Variants in AGPAT3 observed in about 807,000 individuals in gnomAD.
AGPAT3 encodes the protein 1-acyl-sn-glycerol-3-phosphate acyltransferase gamma.
AGPAT3 carries 5 observed loss-of-function variants against 47.3 expected under a neutral mutation model. The ratio of observed to expected loss-of-function variants is 0.11; its 90% CI spans 0.06 to 0.22. AGPAT3 has a LOEUF of 0.22. Among genes scored for constraint, AGPAT3 ranks in the 10% least tolerant of loss-of-function variants. The probability of loss-of-function intolerance (pLI) is 1.00; values close to 1 mark genes in which losing one functional copy is unlikely to be tolerated. For synonymous variants in AGPAT3, 212 were observed against 208.3 expected, an observed-to-expected ratio of 1.02 and a Z score of -0.15; for missense variants, 315 against 493.0, an observed-to-expected ratio of 0.64 and a Z score of 3.42.
At position 43,982,273 on chromosome 21, in the gene AGPAT3, C is replaced by T. The variant is rs368185480; in HGVS notation, c.1043-31C>T. ...AGCAAAAAGGCAAAGTCATCCGTCT[C>T]ACCTCTTCTCTCTCTCTCCTGTCTT... On this transcript the variant is annotated intron_variant, in intron 9 of 9. Transcript: ENST00000291572. The surrounding 1 kb of genome is among the most constrained non-coding windows in gnomAD (Gnocchi z 6.2). 3 of 1,561,906 alleles carry T rather than the reference C, an allele frequency of 1.9e-6. No homozygotes were observed. The highest frequency in any genetic ancestry group is 2.3e-5 in the South Asian group (2 of 88,670).
chr21:43,895,389 G>A (rs920834566), intron 1 of AGPAT3, among the ~76,000 whole-genome samples: 2 of 151,952 alleles, frequency 1.3e-5, no homozygotes, highest in African/African-American at 4.8e-5. Flanking sequence ...GATTACAGGT[G>A]TGAGCTACTG....
At chr21:43,968,988 C>T (rs2089275383) in intron 4 of AGPAT3, 130 bp from the exon 5 acceptor site, 3 of 933,902 alleles carry the variant, frequency 3.2e-6, no homozygotes, top group Non-Finnish European at 4.7e-6. Context: ...CACAGCAGAC[C>T]CCCTGAGCCA....
intron 1 of AGPAT3, among the ~76,000 whole-genome samples, chr21:43,894,353 T>G (rs1194617371): frequency 3.3e-5 from 5 of 152,094 alleles, no homozygotes; most frequent in Non-Finnish European, 7.4e-5. Context: ...GTTTGACTTT[T>G]GTTTCAGTTT....
rs1346155781 is a variant in AGPAT3, at chr21:43,959,609, GCTGTCC to G, written c.-48-13_-48-8del. ...AGGGTGTGGGCGTGGCCACCCTGAC[GCTGTCC>G]CTGTCCCTGTCTTTGCAGGACGGCT... On this transcript the variant is annotated intron_variant, in intron 2 of 9. Transcript: ENST00000291572. The G allele has an allele frequency of 6.3e-7, 1 of 1,597,724 alleles. No individual in the cohort carries two copies. The highest frequency in any genetic ancestry group is 2.2e-5 in the East Asian group (1 of 44,798).
chr21:43,971,930 C>T (rs896491295), intron 7 of AGPAT3, among the ~76,000 whole-genome samples: 3 of 152,142 alleles, frequency 2.0e-5, no homozygotes, highest in Non-Finnish European at 4.4e-5. Flanking sequence ...CACAGTCACA[C>T]GACCTGGGGG....
chr21:43,961,303 T>C (rs1391014450), intron 3 of AGPAT3, among the ~76,000 whole-genome samples: 2 of 152,180 alleles, frequency 1.3e-5, no homozygotes, highest in Admixed American at 1.3e-4. Flanking sequence ...CTTCGTCTCA[T>C]ATGGGAAACG....
At chr21:43,884,648 C>T (rs1216229247) in intron 1 of AGPAT3, among the ~76,000 whole-genome samples, 1 of 150,930 alleles carries the variant, frequency 6.6e-6, no homozygotes, top group Non-Finnish European at 1.5e-5. Flanking sequence ...TGCCCAGGCA[C>T]TGGATGCTGG....
At chr21:43,871,606 T>C (rs2085625992) in intron 1 of AGPAT3, among the ~76,000 whole-genome samples, 1 of 152,232 alleles carries the variant, frequency 6.6e-6, no homozygotes, top group South Asian at 2.1e-4. Context: ...TGCAAAGTGT[T>C]GTGCAGTTGT....
intron 2 of AGPAT3, among the ~76,000 whole-genome samples, chr21:43,914,411 C>T (rs2086687497): frequency 6.6e-6 from 1 of 152,090 alleles, no homozygotes; most frequent in South Asian, 2.1e-4. Flanking sequence ...GTAGAATTCA[C>T]TTGTGAAATC....
intron 3 of AGPAT3, among the ~76,000 whole-genome samples, chr21:43,960,426 G>A (rs886666965): frequency 5.9e-5 from 9 of 152,232 alleles, no homozygotes; most frequent in Non-Finnish European, 1.3e-4. Context: ...ACAGGTAACC[G>A]CTCACACCGG....
intron 2 of AGPAT3, among the ~76,000 whole-genome samples, chr21:43,943,135 A>G (rs979556140): frequency 6.6e-6 from 1 of 151,808 alleles, no homozygotes; most frequent in Non-Finnish European, 1.5e-5. Flanking sequence ...AGTGCAGTGG[A>G]GTGATCTCAG....
At chr21:43,924,121 A>G (rs1052021484) in intron 2 of AGPAT3, among the ~76,000 whole-genome samples, 1 of 151,600 alleles carries the variant, frequency 6.6e-6, no homozygotes, top group Non-Finnish European at 1.5e-5. Context: ...GGTTCACGCC[A>G]TTCTGTCTCA....
rs1601491012 is a variant in AGPAT3 at position 43,981,469 on chromosome 21, C to T, written c.1042+282C>T. The T allele has an allele frequency of 7.9e-6, 4 of 503,672 alleles. No individual in the cohort carries two copies. The East Asian group carries it at 1.4e-4, about 18-fold the overall frequency. 31.2% of individuals were successfully genotyped at this position (503,672 alleles called of 1,614,324 possible). A position where few individuals can be genotyped will look rare whatever the true frequency, so the allele number is the denominator to read the frequency against. On this transcript the variant is annotated intron_variant, in intron 9 of 9. Transcript: ENST00000291572. The surrounding 1 kb of genome is among the most constrained non-coding windows in gnomAD (Gnocchi z 5.3). ...CTTGAGGATGCCGACGAGAGGGTCC[C>T]CGAGAGGGTCCCCAGCCCCCCTGTC...
chr21:43,980,058 G>A (rs946215628), intron 8 of AGPAT3, among the ~76,000 whole-genome samples: 2 of 152,062 alleles, frequency 1.3e-5, no homozygotes, highest in Non-Finnish European at 2.9e-5. Flanking sequence ...CGAAGTGGGT[G>A]GATCACGAGA....
At position 43,970,125 on chromosome 21, in the gene AGPAT3, C is replaced by T. The variant is rs2089331556; in HGVS notation, c.511-528C>T. Among the ~76,000 whole-genome samples the T allele has an allele frequency of 6.6e-6, 1 of 151,868 alleles. No homozygotes were observed. The highest frequency in any genetic ancestry group is 1.5e-5 in the Non-Finnish European group (1 of 68,006). ...CCGGGTTCCAGCAGTTCTCCTCTCT[C>T]AGCCTCCAAGTTGCTGGGATTACAG... On this transcript the variant is annotated intron_variant, in intron 5 of 9. Coordinates refer to ENST00000291572, the MANE Select transcript of AGPAT3 (RefSeq NM_020132.5). The surrounding 1 kb of genome is among the most constrained non-coding windows in gnomAD (Gnocchi z 5.8).
At chr21:43,898,113 G>A (rs1249618276) in intron 1 of AGPAT3, among the ~76,000 whole-genome samples, 2 of 152,086 alleles carry the variant, frequency 1.3e-5, no homozygotes, top group African/African-American at 2.4e-5. Context: ...GAGGGAGACC[G>A]AAAAAAGAAA....
At chr21:43,967,838 G>A (rs2146733923) in intron 3 of AGPAT3, 108 bp from the exon 4 acceptor site, 1 of 1,145,384 alleles carries the variant, frequency 8.7e-7, no homozygotes, top group Non-Finnish European at 1.2e-6. Flanking sequence ...ATGTTTAGCA[G>A]AGACTTCCTC....
intron 2 of AGPAT3, among the ~76,000 whole-genome samples, chr21:43,937,966 G>A (rs1055807233): frequency 1.3e-5 from 2 of 152,144 alleles, no homozygotes; most frequent in African/African-American, 2.4e-5. Context: ...TGGGGTGACT[G>A]TGCAGACAGT....
intron 2 of AGPAT3, among the ~76,000 whole-genome samples, chr21:43,919,520 C>G (rs752649887): frequency 6.6e-6 from 1 of 152,148 alleles, no homozygotes; most frequent in African/African-American, 2.4e-5. Context: ...ATATGGACCA[C>G]GTGTTCTTTA....
Sources: gnomAD v4.1 joint callset for allele counts (sites outside exome capture counted in the v4.1 genomes callset) on GRCh38, gnomAD v4.1.1 for gene constraint, Gnocchi (gnomAD v3.1) non-coding constraint, MANE v1.5 for transcripts, NCBI Gene and HGNC (gene_info 2026-07-23, HGNC 2026-07-21) for gene names.